The following FLT1 variants were observed in gnomAD, a reference collection of about 807,000 sequenced individuals.
FLT1 encodes vascular endothelial growth factor receptor 1.
In FLT1, 49 loss-of-function variants were observed where a neutral mutation model predicts 156.3. The ratio of observed to expected loss-of-function variants is 0.31; its 90% CI spans 0.25 to 0.40. The LOEUF (loss-of-function observed/expected upper bound fraction) is 0.40. Ranked by LOEUF, FLT1 falls within the 10% of genes least tolerant of loss-of-function variation. The pLI, the probability that FLT1 is intolerant of heterozygous loss-of-function variation, is 1.00. For missense variants in FLT1, 1,322 were observed against 1,637.2 expected, an observed-to-expected ratio of 0.81 and a Z score of 3.32; for synonymous variants, 594 against 583.8, an observed-to-expected ratio of 1.02 and a Z score of -0.25.
At chr13:28,431,401 G>T in intron 6 of FLT1, 91 bp from the exon 7 acceptor site, 2 of 895,102 alleles carry the variant, frequency 2.2e-6, no homozygotes, top group South Asian at 1.4e-5. Context: ...TCATTAGTTC[G>T]ACAACAGCTT....
intron 1 of FLT1, among the ~76,000 whole-genome samples, chr13:28,469,994 T>C (rs1880067530): frequency 6.6e-6 from 1 of 152,186 alleles, no homozygotes; most frequent in Non-Finnish European, 1.5e-5. Flanking sequence ...CCTCAGGTGA[T>C]CCACCTGCCT....
chr13:28,359,069 C>T (rs1873015716), intron 14 of FLT1, among the ~76,000 whole-genome samples: 1 of 152,100 alleles, frequency 6.6e-6, no homozygotes, highest in Admixed American at 6.6e-5. Flanking sequence ...GTTTGTATTT[C>T]TCTTATGAAA....
At chr13:28,482,070 T>G (rs564964930) in intron 1 of FLT1, among the ~76,000 whole-genome samples, 1 of 152,190 alleles carries the variant, frequency 6.6e-6, no homozygotes, top group African/African-American at 2.4e-5. Flanking sequence ...AAATAGGGCA[T>G]GAATCTAGAA....
chr13:28,372,907 A>AATGAAACATTAAGAC (rs1156365652), intron 14 of FLT1, among the ~76,000 whole-genome samples: 2 of 151,788 alleles, frequency 1.3e-5, no homozygotes, highest in Non-Finnish European at 2.9e-5. Context: ...ATAAAATAAA[A>AATGAAACATTAAGAC]ATGAAACATT....
chr13:28,346,511 G>T (rs532284878), intron 15 of FLT1, among the ~76,000 whole-genome samples: 1 of 151,578 alleles, frequency 6.6e-6, no homozygotes, highest in Non-Finnish European at 1.5e-5. Context: ...CTGGAGCCCC[G>T]GAGTTTGAGA....
At chr13:28,452,149 C>A (rs1287877354) in intron 3 of FLT1, among the ~76,000 whole-genome samples, 1 of 152,188 alleles carries the variant, frequency 6.6e-6, no homozygotes, top group Admixed American at 6.5e-5. Context: ...TGCAACCCTG[C>A]ATGCACTCCT....
At chr13:28,398,314 C>A (rs186191286) in intron 11 of FLT1, among the ~76,000 whole-genome samples, 34 of 152,286 alleles carry the variant, frequency 2.2e-4, no homozygotes, top group African/African-American at 7.5e-4. Context: ...TGACAAGTGA[C>A]TTACAGGCTA....
chr13:28,400,079 A>G (rs1394037090), intron 11 of FLT1, among the ~76,000 whole-genome samples: 1 of 152,174 alleles, frequency 6.6e-6, no homozygotes, highest in Non-Finnish European at 1.5e-5. Context: ...CTCCGCGCCT[A>G]TGCTCCTAAT....
intron 8 of FLT1, among the ~76,000 whole-genome samples, chr13:28,428,213 A>C (rs1299462304): frequency 6.6e-6 from 1 of 152,180 alleles, no homozygotes; most frequent in African/African-American, 2.4e-5. Flanking sequence ...CTTAAGTATT[A>C]ACCCAGAAGC....
At chr13:28,460,648 T>G (rs1879515230) in intron 3 of FLT1, among the ~76,000 whole-genome samples, 1 of 150,898 alleles carries the variant, frequency 6.6e-6, no homozygotes, top group Non-Finnish European at 1.5e-5. Flanking sequence ...AGTACTGGTG[T>G]GCCCCTCCCC....
chr13:28,370,278 T>C (rs1313144662), intron 14 of FLT1, among the ~76,000 whole-genome samples: 1 of 152,188 alleles, frequency 6.6e-6, no homozygotes, highest in African/African-American at 2.4e-5. Context: ...TTTGGGATAA[T>C]GTCTATTCCT....
At chr13:28,467,444 C>T (rs17086710) in intron 2 of FLT1, 77 bp downstream of exon 2, 4 of 983,950 alleles carry the variant, frequency 4.1e-6, no homozygotes, top group Non-Finnish European at 6.4e-6. Context: ...GAGGTCCCTA[C>T]CTTTTTACTC....
At chr13:28,464,281 A>T (rs986839956) in intron 3 of FLT1, among the ~76,000 whole-genome samples, 9 of 152,346 alleles carry the variant, frequency 5.9e-5, no homozygotes, top group Middle Eastern at 3.4e-3. Flanking sequence ...TGTCCAACAA[A>T]TTATGCAAGT....
At chr13:28,385,925 G>T in intron 13 of FLT1, 1 of 1,040,290 alleles carries the variant, frequency 9.6e-7, no homozygotes, top group Middle Eastern at 4.4e-4. Flanking sequence ...GAGGGTACTG[G>T]ATTGGTAGCT....
Position 28,345,459 on chromosome 13 carries a change from G to T in FLT1, c.2341C>A (p.Arg781=), listed in dbSNP as rs1244106213. The T allele has an allele frequency of 6.2e-7, 1 of 1,603,368 alleles. No individual in the cohort carries two copies. Among genetic ancestry groups the T allele is most frequent in the Non-Finnish European group, 8.5e-7 (1 of 1,170,958 alleles). The change falls in exon 16 of 30, where the codon CGA becomes AGA. Residue 781 remains arginine, a synonymous_variant. Transcript: ENST00000282397. ...TATGTTCTTACCCTTTTCATTTTTC[G>T]GATAAAGAGGGTTAATAGGAGCCAG... ...LFWLLLTLFI[R]KMKRSSSEIK...
At chr13:28,405,642 A>G (rs1416115048) in intron 11 of FLT1, 138 bp downstream of exon 11, 15 of 687,402 alleles carry the variant, frequency 2.2e-5, no homozygotes, top group Middle Eastern at 7.4e-4. Context: ...ATGAAGACAT[A>G]GCTCAGATAT....
At position 28,384,872 on chromosome 13, in the gene FLT1, A is replaced by G; in HGVS notation, c.2116+13T>C. ...ATGAGAAATAATAAATGGAAGAAAAAAAAGTCTCTTACCAGGCTCTTGTTG... is the reference window on the plus strand; with the variant it reads ...ATGAGAAATAATAAATGGAAGAAAAGAAAGTCTCTTACCAGGCTCTTGTTG... On this transcript the variant is annotated intron_variant, in intron 14 of 29. Transcript: ENST00000282397. 1 of 1,613,564 alleles carries G rather than the reference A, an allele frequency of 6.2e-7. No homozygotes were observed. The highest frequency in any genetic ancestry group is 8.5e-7 in the Non-Finnish European group (1 of 1,179,498).
chr13:28,371,157 C>T (rs887346299), intron 14 of FLT1, among the ~76,000 whole-genome samples: 2 of 152,062 alleles, frequency 1.3e-5, no homozygotes, highest in African/African-American at 2.4e-5. Flanking sequence ...AATTTTATCT[C>T]GGAAATGCTG....
intron 25 of FLT1, among the ~76,000 whole-genome samples, chr13:28,316,429 C>T (rs1871207360): frequency 6.6e-6 from 1 of 152,214 alleles, no homozygotes; most frequent in Admixed American, 6.5e-5. Context: ...AGGCCCAAGT[C>T]CTTGTCAGCA....
Sources: gnomAD v4.1 joint callset for allele counts (sites outside exome capture counted in the v4.1 genomes callset) on GRCh38, gnomAD v4.1.1 for gene constraint, MANE v1.5 for transcripts, NCBI Gene and HGNC (gene_info 2026-07-23, HGNC 2026-07-21) for gene names.